The following RAP1GDS1 variants were observed in gnomAD, a reference collection of about 807,000 sequenced individuals.
RAP1GDS1 encodes Rap1 GTPase-GDP dissociation stimulator 1, also known as RAP1, GTP-GDP dissociation stimulator 1.
Under a neutral mutation model 71.1 loss-of-function variants are expected in RAP1GDS1, and 35 were observed. The ratio of observed to expected loss-of-function variants is 0.49; its 90% CI spans 0.38 to 0.65. The LOEUF (loss-of-function observed/expected upper bound fraction) is 0.65, where lower values mean the gene tolerates loss of function less well. RAP1GDS1 is among the 30% of genes least tolerant of loss of function. The pLI is 0.00. For missense variants in RAP1GDS1, 663 were observed against 706.1 expected (o/e 0.94, Z 0.69); for synonymous variants, 229 against 243.1 (o/e 0.94, Z 0.54).
At chr4:98,414,812 G>A (rs1747680571) in intron 7 of RAP1GDS1, among the ~76,000 whole-genome samples, 1 of 151,908 alleles carries the variant, frequency 6.6e-6, no homozygotes, top group African/African-American at 2.4e-5. Flanking sequence ...TGGGTAGTAT[G>A]GCCATTTTCA....
At position 98,276,284 on chromosome 4, in the gene RAP1GDS1, T is replaced by C. The variant is rs539905096; in HGVS notation, c.4+14715T>C. Among the ~76,000 whole-genome samples, 43 of 152,234 alleles carry C rather than the reference T, an allele frequency of 2.8e-4. No homozygotes were observed. In the South Asian group the frequency reaches 7.9e-3, roughly 28 times the overall value. ...GCCCTACCACCTAATATCATCCACATTGGGAGTAGGATTTCAACATATGAA... is the reference window on the plus strand; with the variant it reads ...GCCCTACCACCTAATATCATCCACACTGGGAGTAGGATTTCAACATATGAA... On this transcript the variant is annotated intron_variant, in intron 1 of 14. Coordinates refer to ENST00000408927, the MANE Select transcript of RAP1GDS1 (RefSeq NM_001100427.2).
intron 5 of RAP1GDS1, among the ~76,000 whole-genome samples, chr4:98,380,894 A>G (rs1176833105): frequency 6.6e-6 from 1 of 151,634 alleles, no homozygotes; most frequent in African/African-American, 2.4e-5. Flanking sequence ...TCTTTGAGGA[A>G]GCTGTTAAAA....
At chr4:98,366,475 G>A (rs1419739343) in intron 4 of RAP1GDS1, among the ~76,000 whole-genome samples, 1 of 152,080 alleles carries the variant, frequency 6.6e-6, no homozygotes, top group Non-Finnish European at 1.5e-5. Context: ...CCAGGAGTGG[G>A]GCACTGCTGA....
At chr4:98,383,329 A>G (rs900758599) in intron 5 of RAP1GDS1, among the ~76,000 whole-genome samples, 2 of 151,560 alleles carry the variant, frequency 1.3e-5, no homozygotes, top group African/African-American at 4.8e-5. Context: ...AGATGCCATC[A>G]GGAAAGGAAA....
chr4:98,442,178 G>T lies in RAP1GDS1; in HGVS notation c.*61G>T, dbSNP rs1751969078. 1 of 1,579,384 alleles carries T rather than the reference G, an allele frequency of 6.3e-7. No individual in the cohort carries two copies. Among genetic ancestry groups the T allele is most frequent in the South Asian group, 1.1e-5 (1 of 87,992 alleles). On this transcript the variant is annotated 3_prime_UTR_variant, in exon 15 of 15. Transcript: ENST00000408927. ...TTTCCCCTCTGTCCTCCATCCAGCG[G>T]CTTCTTCCGCTTCATTCTCTACCAT...
chr4:98,306,350 C>G (rs1729323923), intron 2 of RAP1GDS1, among the ~76,000 whole-genome samples: 1 of 152,146 alleles, frequency 6.6e-6, no homozygotes, highest in Non-Finnish European at 1.5e-5. Flanking sequence ...TTGATGGCAC[C>G]TTGTTACTGC....
chr4:98,433,025 A>G (rs1750661817), intron 12 of RAP1GDS1, among the ~76,000 whole-genome samples: 1 of 152,144 alleles, frequency 6.6e-6, no homozygotes, highest in Non-Finnish European at 1.5e-5. Context: ...CTGAGGTAAG[A>G]GAGGTTCAGT....
chr4:98,295,588 A>G (rs1727623753), intron 2 of RAP1GDS1, among the ~76,000 whole-genome samples: 1 of 152,084 alleles, frequency 6.6e-6, no homozygotes, highest in South Asian at 2.1e-4. Context: ...TAACAGATTA[A>G]TAAGCTTATT....
At chr4:98,308,297 C>CTATATATATATATATATATATATATATA (rs779815305) in intron 2 of RAP1GDS1, among the ~76,000 whole-genome samples, 1 of 73,228 alleles carries the variant, frequency 1.4e-5, no homozygotes, top group Non-Finnish European at 2.6e-5. Context: ...CACACACACA[C>CTATATATATATATATATATATATATATA]TATATATATA....
chr4:98,418,561 AT>A, intron 9 of RAP1GDS1, 95 bp from the exon 10 acceptor site: 1 of 1,120,422 alleles, frequency 8.9e-7, no homozygotes, highest in Non-Finnish European at 1.2e-6. Context: ...GTATAGCTCC[AT>A]TTTCCCTAAT....
At chr4:98,397,821 T>C (rs148551558) in intron 6 of RAP1GDS1, among the ~76,000 whole-genome samples, 17 of 152,240 alleles carry the variant, frequency 1.1e-4, no homozygotes, top group African/African-American at 4.1e-4. Flanking sequence ...TGACACTAAA[T>C]TGAAGTAAAA....
rs34393905 is a variant in RAP1GDS1, at chr4:98,363,478, C to CAAAAAAAA, written c.361+10897_361+10904dup. On this transcript the variant is annotated intron_variant, in intron 4 of 14. Coordinates refer to ENST00000408927, the MANE Select transcript of RAP1GDS1 (RefSeq NM_001100427.2). ...CCTAAATAACAGTGAGACCCTGTCT[C>CAAAAAAAA]AAAAAAAAAAAAAAAAAAAAAAAAA... is the stretch of plus-strand genomic sequence containing the variant. 1.4e-3 allele frequency among the ~76,000 whole-genome samples: 54 copies of CAAAAAAAA among 37,730 alleles called. 2 individuals are homozygous for CAAAAAAAA. The highest frequency in any genetic ancestry group is 4.9e-3 in the African/African-American group (50 of 10,116). 24.8% of individuals were successfully genotyped at this position (37,730 alleles called of 152,430 possible). A position where few individuals can be genotyped will look rare whatever the true frequency, so the allele number is the denominator to read the frequency against.
rs772408634 is a variant in RAP1GDS1, at chr4:98,418,763, A to T, written c.1146A>T (p.Leu382=). The T allele has an allele frequency of 6.2e-7, 1 of 1,601,168 alleles. No homozygotes were observed. Among genetic ancestry groups the T allele is most frequent in the South Asian group, 1.1e-5 (1 of 87,880 alleles). The part of the protein sequence containing the change: ...DGNVTVQHAA[L]SALRNLAIPV... ...ATGTAACAGTACAGCATGCAGCACT[A>T]AGTGCCCTCAGAAACCTGGCCATTC... The change falls in exon 10 of 15, where the codon CTA becomes CTT. Residue 382 remains leucine (L), a synonymous_variant. Coordinates refer to ENST00000408927, the MANE Select transcript of RAP1GDS1 (RefSeq NM_001100427.2).
intron 12 of RAP1GDS1, among the ~76,000 whole-genome samples, chr4:98,424,271 C>T (rs10050289): frequency 0.06 from 9,206 of 152,168 alleles, 731 homozygotes; most frequent in African/African-American, 0.18. Flanking sequence ...TTTTGCTCTA[C>T]TCCAAGAGAA....
chr4:98,358,408 G>A (rs1005638815), intron 4 of RAP1GDS1, among the ~76,000 whole-genome samples: 13 of 152,014 alleles, frequency 8.6e-5, no homozygotes, highest in Admixed American at 3.9e-4. Context: ...TATCCCGAGT[G>A]TGTTGTTTTT....
intron 4 of RAP1GDS1, among the ~76,000 whole-genome samples, chr4:98,364,446 A>G (rs558258392): frequency 1.3e-5 from 2 of 152,264 alleles, no homozygotes; most frequent in East Asian, 1.9e-4. Flanking sequence ...TCTCAGGTTC[A>G]TTGTTTCCGT....
At chr4:98,372,410 G>T (rs1290909286) in intron 4 of RAP1GDS1, among the ~76,000 whole-genome samples, 1 of 152,024 alleles carries the variant, frequency 6.6e-6, no homozygotes, top group East Asian at 1.9e-4. Flanking sequence ...GAAGTGATCT[G>T]CCTGCCTTGG....
At chr4:98,333,586 C>G (rs1734299964) in intron 2 of RAP1GDS1, among the ~76,000 whole-genome samples, 1 of 151,978 alleles carries the variant, frequency 6.6e-6, no homozygotes, top group South Asian at 2.1e-4. Flanking sequence ...TAATGAATAT[C>G]TATTACTTAA....
chr4:98,366,082 A>G (rs1739447437), intron 4 of RAP1GDS1, among the ~76,000 whole-genome samples: 1 of 152,190 alleles, frequency 6.6e-6, no homozygotes, highest in South Asian at 2.1e-4. Flanking sequence ...GGGTGAGTTA[A>G]TAAGTATTTA....
Sources: gnomAD v4.1 joint callset for allele counts (sites outside exome capture counted in the v4.1 genomes callset) on GRCh38, gnomAD v4.1.1 for gene constraint, MANE v1.5 for transcripts, NCBI Gene and HGNC (gene_info 2026-07-23, HGNC 2026-07-21) for gene names.